The following NLGN1 variants were observed in gnomAD, a reference collection of about 807,000 sequenced individuals.
NLGN1 encodes the protein neuroligin-1.
Under a neutral mutation model 65.5 loss-of-function variants are expected in NLGN1, and 12 were observed. The ratio of observed to expected loss-of-function variants is 0.18; its 90% CI spans 0.12 to 0.30. The LOEUF is 0.30. Ranked by LOEUF, NLGN1 falls within the 10% of genes least tolerant of loss-of-function variation. The pLI is 1.00. For synonymous variants in NLGN1, 350 were observed against 359.5 expected, an observed-to-expected ratio of 0.97 and a Z score of 0.30; for missense variants, 750 against 1,007.1, an observed-to-expected ratio of 0.74 and a Z score of 3.46.
At chr3:173,558,824 C>A (rs1217928872) in intron 2 of NLGN1, among the ~76,000 whole-genome samples, 1 of 152,132 alleles carries the variant, frequency 6.6e-6, no homozygotes, top group African/African-American at 2.4e-5. Flanking sequence ...TCATATATCT[C>A]ATAATTTTCT....
At chr3:173,984,486 T>C (rs1719466107) in intron 4 of NLGN1, among the ~76,000 whole-genome samples, 1 of 152,198 alleles carries the variant, frequency 6.6e-6, no homozygotes, top group South Asian at 2.1e-4. Flanking sequence ...AATTATTCTG[T>C]CTCTTTCTGT....
At chr3:173,506,919 A>C (rs1732120966) in intron 2 of NLGN1, among the ~76,000 whole-genome samples, 1 of 152,152 alleles carries the variant, frequency 6.6e-6, no homozygotes, top group Non-Finnish European at 1.5e-5. Flanking sequence ...AAAGAATGTC[A>C]CAAGTTGTAC....
chr3:174,254,022 C>T (rs1745225088), intron 4 of NLGN1, among the ~76,000 whole-genome samples: 1 of 152,082 alleles, frequency 6.6e-6, no homozygotes, highest in African/African-American at 2.4e-5. Flanking sequence ...AAAAATTATT[C>T]CAATTTTCAA....
In NLGN1 at chr3:173,557,204, C is replaced by T. The variant is rs193045784; in HGVS notation, c.-320-47075C>T. 2.3e-3 allele frequency among the ~76,000 whole-genome samples: 350 copies of T among 152,140 alleles called. 2 individuals carry two copies. Among genetic ancestry groups the T allele is most frequent in the Non-Finnish European group, 4.0e-3 (269 of 67,966 alleles). On this transcript the variant is annotated intron_variant, in intron 2 of 6. Coordinates refer to ENST00000457714, the Ensembl canonical transcript of NLGN1. ...TGATGAATGGACCTTTTTATAATTACGAAATGTTACTTTTATCTCTGATAA... is the reference window on the plus strand; with the variant it reads ...TGATGAATGGACCTTTTTATAATTATGAAATGTTACTTTTATCTCTGATAA...
chr3:173,911,465 C>T (rs1362344509), intron 4 of NLGN1, among the ~76,000 whole-genome samples: 3 of 152,160 alleles, frequency 2.0e-5, no homozygotes, highest in African/African-American at 4.8e-5. Context: ...TCCTTTTTCT[C>T]TCCTTCAATA....
At chr3:173,867,631 T>C (rs1404483233) in intron 4 of NLGN1, among the ~76,000 whole-genome samples, 3 of 152,052 alleles carry the variant, frequency 2.0e-5, no homozygotes, top group Non-Finnish European at 2.9e-5. Context: ...TTAATTAATA[T>C]TAATTATCAG....
intron 4 of NLGN1, among the ~76,000 whole-genome samples, chr3:174,046,082 C>G (rs1347001224): frequency 6.6e-6 from 1 of 152,084 alleles, no homozygotes; most frequent in African/African-American, 2.4e-5. Flanking sequence ...GGTGCTATCT[C>G]AATATATGTG....
intron 2 of NLGN1, among the ~76,000 whole-genome samples, chr3:173,438,392 AC>A (rs1219394320): frequency 1.3e-5 from 2 of 152,162 alleles, no homozygotes; most frequent in Non-Finnish European, 2.9e-5. Flanking sequence ...TTAAAAGTAT[AC>A]AAGGAAAAAA....
At chr3:174,271,180 A>G (rs1749324470) in intron 4 of NLGN1, among the ~76,000 whole-genome samples, 1 of 151,874 alleles carries the variant, frequency 6.6e-6, no homozygotes. Context: ...TAACAACTAT[A>G]AACATAGGCA....
chr3:173,606,705 TTG>T (rs1043413538), intron 3 of NLGN1, among the ~76,000 whole-genome samples: 1 of 152,034 alleles, frequency 6.6e-6, no homozygotes, highest in African/African-American at 2.4e-5. Context: ...GAGGGTTTTT[TTG>T]TTTGCTTTGT....
chr3:174,220,833 T>C (rs570284880), intron 4 of NLGN1, among the ~76,000 whole-genome samples: 1 of 152,292 alleles, frequency 6.6e-6, no homozygotes, highest in African/African-American at 2.4e-5. Flanking sequence ...TGTGTATTAA[T>C]TACTTGCCTT....
chr3:173,856,652 C>T (rs186817070), intron 4 of NLGN1, among the ~76,000 whole-genome samples: 522 of 152,124 alleles, frequency 3.4e-3, no homozygotes, highest in African/African-American at 0.01. Flanking sequence ...TCTGGGAAAA[C>T]GGAAAGGTTG....
chr3:173,496,890 T>C (rs1480919141), intron 2 of NLGN1, among the ~76,000 whole-genome samples: 2 of 151,918 alleles, frequency 1.3e-5, no homozygotes, highest in East Asian at 3.8e-4. Flanking sequence ...GCGCTTCTTA[T>C]AGTCTTCCAG....
At chr3:173,776,200 A>T (rs1036789814) in intron 3 of NLGN1, among the ~76,000 whole-genome samples, 2 of 152,078 alleles carry the variant, frequency 1.3e-5, no homozygotes, top group African/African-American at 4.8e-5. Context: ...CGGGGTAATG[A>T]ACAAAAAAAC....
chr3:174,248,206 T>G (rs2152839154), intron 4 of NLGN1, among the ~76,000 whole-genome samples: 1 of 151,542 alleles, frequency 6.6e-6, no homozygotes, highest in Non-Finnish European at 1.5e-5. Context: ...CCAGATTCAC[T>G]TTTTTTTTAT....
At chr3:173,558,358 T>G (rs1224133065) in intron 2 of NLGN1, among the ~76,000 whole-genome samples, 1 of 152,142 alleles carries the variant, frequency 6.6e-6, no homozygotes, top group East Asian at 1.9e-4. Context: ...ATGCACATTT[T>G]TCATCTGATT....
intron 3 of NLGN1, among the ~76,000 whole-genome samples, chr3:173,802,903 G>T (rs1715758895): frequency 6.6e-6 from 1 of 151,264 alleles, no homozygotes; most frequent in African/African-American, 2.4e-5. Flanking sequence ...GCAGTGGCGT[G>T]ATCTTGGCTC....
At chr3:173,854,475 A>G (rs982474881) in intron 4 of NLGN1, among the ~76,000 whole-genome samples, 3 of 152,060 alleles carry the variant, frequency 2.0e-5, no homozygotes, top group Non-Finnish European at 4.4e-5. Context: ...GGCTGTGTCT[A>G]CAATAATAAT....
intron 2 of NLGN1, chr3:173,584,486 A>G (rs1199928237): frequency 6.7e-6 from 1 of 150,072 alleles, no homozygotes; most frequent in East Asian, 2.0e-4. Flanking sequence ...AAAGAAAGAA[A>G]GAAACCAGAG....
Sources: gnomAD v4.1 joint callset for allele counts (sites outside exome capture counted in the v4.1 genomes callset) on GRCh38, gnomAD v4.1.1 for gene constraint, MANE v1.5 for transcripts, NCBI Gene and HGNC (gene_info 2026-07-23, HGNC 2026-07-21) for gene names.